The following TRHDE variants were observed in gnomAD, a reference collection of about 807,000 sequenced individuals.
TRHDE encodes thyrotropin releasing hormone degrading enzyme, also known as thyrotropin-releasing hormone-degrading ectoenzyme.
A neutral mutation model predicts 125.7 loss-of-function variants in TRHDE; 72 were observed. The observed-to-expected ratio is 0.57, with a 90% CI of 0.47 to 0.70. The LOEUF is 0.70. TRHDE is among the 30% of genes least tolerant of loss of function. The pLI is 0.00. For missense variants in TRHDE, 1,110 were observed against 1,327.1 expected (o/e 0.84, Z 2.54); for synonymous variants, 509 against 509.1 (o/e 1.00, Z 0.00).
chr12:72,460,050 C>G (rs1876053482), intron 3 of TRHDE, among the ~76,000 whole-genome samples: 1 of 152,144 alleles, frequency 6.6e-6, no homozygotes, highest in South Asian at 2.1e-4. Flanking sequence ...GAATGTGGTT[C>G]TTTTATAAGT....
At chr12:72,214,834 A>G (rs1013218071) in intron 2 of TRHDE, among the ~76,000 whole-genome samples, 7 of 152,192 alleles carry the variant, frequency 4.6e-5, no homozygotes, top group Non-Finnish European at 1.0e-4. Context: ...TCCTGGCCAA[A>G]GAAACAAAAT....
chr12:72,372,023 T>C (rs1871620655), intron 2 of TRHDE, among the ~76,000 whole-genome samples: 1 of 152,196 alleles, frequency 6.6e-6, no homozygotes, highest in Non-Finnish European at 1.5e-5. Flanking sequence ...ATAAAAGTGT[T>C]CCTATTTCTC....
chr12:72,306,245 C>T (rs1186150268), intron 2 of TRHDE, among the ~76,000 whole-genome samples: 1 of 152,034 alleles, frequency 6.6e-6, no homozygotes, highest in Non-Finnish European at 1.5e-5. Context: ...TTTGTGTATT[C>T]ACTGAAAACA....
chr12:72,292,710 C>T (rs1006224612), intron 2 of TRHDE, among the ~76,000 whole-genome samples: 4 of 152,212 alleles, frequency 2.6e-5, no homozygotes, highest in African/African-American at 9.7e-5. Flanking sequence ...CTTCTGCTAA[C>T]AATCCCAAGG....
chr12:72,197,176 T>C (rs1435006593), intron 2 of TRHDE, among the ~76,000 whole-genome samples: 1 of 152,098 alleles, frequency 6.6e-6, no homozygotes, highest in Non-Finnish European at 1.5e-5. Flanking sequence ...TCCTACCTCA[T>C]TGGTAGCTCC....
intron 2 of TRHDE, among the ~76,000 whole-genome samples, chr12:72,172,154 G>T (rs1876887584): frequency 6.6e-6 from 1 of 152,128 alleles, no homozygotes; most frequent in Non-Finnish European, 1.5e-5. Flanking sequence ...CTTATACATA[G>T]AAAGCTACAT....
rs144790578 is a variant in TRHDE at position 72,096,030 on chromosome 12, C to T, written n.174+8591C>T. Among the ~76,000 whole-genome samples, 415 of 152,188 alleles carry T rather than the reference C, an allele frequency of 2.7e-3. 2 individuals are homozygous for T. The highest frequency in any genetic ancestry group is 0.014 in the Middle Eastern group (4 of 294). On this transcript the variant is annotated intron_variant and non_coding_transcript_variant, in intron 1 of 4. Coordinates refer to the TRHDE transcript ENST00000548156. ...TGGACTTGAACTGCTGCTTTGGCAT[C>T]TCACTGAGTCTCCAGTGTGATGGCT...
intron 1 of TRHDE, among the ~76,000 whole-genome samples, chr12:72,099,561 T>A (rs1875019228): frequency 1.3e-5 from 2 of 152,224 alleles, no homozygotes; most frequent in African/African-American, 4.8e-5. Context: ...TCGACTCAGC[T>A]ATATATCAAG....
chr12:72,185,259 G>A (rs1234446872), intron 2 of TRHDE, among the ~76,000 whole-genome samples: 1 of 152,210 alleles, frequency 6.6e-6, no homozygotes, highest in African/African-American at 2.4e-5. Context: ...TCGATTTCTC[G>A]CCGGGCCTTA....
intron 6 of TRHDE, among the ~76,000 whole-genome samples, chr12:72,526,168 T>C (rs1164180727): frequency 6.6e-6 from 1 of 152,152 alleles, no homozygotes; most frequent in Non-Finnish European, 1.5e-5. Context: ...CACATAGTTA[T>C]TGCAAATCAC....
intron 2 of TRHDE, among the ~76,000 whole-genome samples, chr12:72,235,547 C>T (rs1414956034): frequency 1.3e-5 from 2 of 152,182 alleles, no homozygotes; most frequent in Non-Finnish European, 2.9e-5. Flanking sequence ...TGTCTTCCAA[C>T]AAGCATATAA....
chr12:72,473,862 G>A (rs1313102966), intron 5 of TRHDE, among the ~76,000 whole-genome samples: 4 of 151,698 alleles, frequency 2.6e-5, no homozygotes, highest in South Asian at 2.1e-4. Flanking sequence ...AATAGAACCC[G>A]GGGTATATAT....
intron 2 of TRHDE, among the ~76,000 whole-genome samples, chr12:72,320,242 A>C (rs1869018193): frequency 6.6e-6 from 1 of 151,784 alleles, no homozygotes; most frequent in East Asian, 1.9e-4. Flanking sequence ...TGTTCCAGGA[A>C]CCCCCCACAG....
intron 2 of TRHDE, among the ~76,000 whole-genome samples, chr12:72,325,779 G>T (rs1869312536): frequency 6.6e-6 from 1 of 152,106 alleles, no homozygotes; most frequent in Admixed American, 6.5e-5. Context: ...CGACAACACA[G>T]CCAAGCCAAT....
intron 15 of TRHDE, among the ~76,000 whole-genome samples, chr12:72,630,509 C>G (rs2136086024): frequency 6.6e-6 from 1 of 151,770 alleles, no homozygotes; most frequent in South Asian, 2.1e-4. Context: ...TTTCAAGCCA[C>G]CAAGTTTATG....
intron 2 of TRHDE, among the ~76,000 whole-genome samples, chr12:72,212,498 G>A (rs1156716003): frequency 1.3e-5 from 2 of 152,020 alleles, no homozygotes; most frequent in Non-Finnish European, 2.9e-5. Flanking sequence ...GATTACATAA[G>A]TATCACAATT....
intron 1 of TRHDE, among the ~76,000 whole-genome samples, chr12:72,276,723 A>G (rs1879500150): frequency 6.6e-6 from 1 of 152,044 alleles, no homozygotes; most frequent in South Asian, 2.1e-4. Context: ...CAAATTCTCT[A>G]CTCTTGGTTA....
intron 3 of TRHDE, among the ~76,000 whole-genome samples, chr12:72,380,154 A>G (rs1872077161): frequency 6.6e-6 from 1 of 152,178 alleles, no homozygotes; most frequent in South Asian, 2.1e-4. Context: ...ATGGTTTTCC[A>G]GACATATTCT....
chr12:72,160,930 A>G (rs1876623423), intron 2 of TRHDE, among the ~76,000 whole-genome samples: 1 of 152,214 alleles, frequency 6.6e-6, no homozygotes, highest in Non-Finnish European at 1.5e-5. Context: ...GTGTTTGAGT[A>G]GAACTCTTCA....
Sources: gnomAD v4.1 joint callset for allele counts (sites outside exome capture counted in the v4.1 genomes callset) on GRCh38, gnomAD v4.1.1 for gene constraint, MANE v1.5 for transcripts, NCBI Gene and HGNC (gene_info 2026-07-23, HGNC 2026-07-21) for gene names.